The following RGS6 variants were observed in gnomAD, a reference collection of about 807,000 sequenced individuals.
The protein encoded by RGS6 is regulator of G-protein signaling 6.
In RGS6, 30 loss-of-function variants were observed where a neutral mutation model predicts 78.5. The observed-to-expected ratio is 0.38, with a 90% CI of 0.29 to 0.52. The LOEUF (loss-of-function observed/expected upper bound fraction) is 0.52. Among genes scored for constraint, RGS6 ranks in the 20% least tolerant of loss-of-function variants. The pLI is 0.85. For synonymous variants in RGS6, 206 were observed against 206.0 expected, an observed-to-expected ratio of 1.00 and a Z score of 0.00; for missense variants, 495 against 609.7, an observed-to-expected ratio of 0.81 and a Z score of 1.98.
Position 72,076,197 on chromosome 14 carries a change from G to A in RGS6, c.84+111322G>A, listed in dbSNP as rs74733989. On this transcript the variant is annotated intron_variant, in intron 2 of 17. Transcript: ENST00000553525. ...GCGTGCGCCCTCCACAGGCACCTTA[G>A]CCTGTTCTTCACTCCGCCATGATTG... Among the ~76,000 whole-genome samples, 173 of 152,276 alleles carry A rather than the reference G, an allele frequency of 1.1e-3. 2 individuals carry two copies. The East Asian group carries it at 0.029, about 26-fold the overall frequency.
intron 2 of RGS6, among the ~76,000 whole-genome samples, chr14:71,970,415 T>G (rs544969141): frequency 6.6e-6 from 1 of 152,218 alleles, no homozygotes; most frequent in South Asian, 2.1e-4. Flanking sequence ...TTTAGGGCCC[T>G]TGAAGTCCTG....
intron 2 of RGS6, among the ~76,000 whole-genome samples, chr14:72,103,608 A>G (rs1306499650): frequency 6.6e-6 from 1 of 152,216 alleles, no homozygotes; most frequent in Non-Finnish European, 1.5e-5. Context: ...CCTAAGTAAG[A>G]AAAATCACAG....
At chr14:72,073,478 C>T (rs956474761) in intron 2 of RGS6, among the ~76,000 whole-genome samples, 2 of 152,216 alleles carry the variant, frequency 1.3e-5, no homozygotes, top group Admixed American at 1.3e-4. Context: ...AATTATTCGA[C>T]TCCAGAATAG....
chr14:72,503,948 G>A (rs1008422149), intron 13 of RGS6, among the ~76,000 whole-genome samples: 2 of 152,200 alleles, frequency 1.3e-5, no homozygotes, highest in Admixed American at 6.5e-5. Context: ...GCTCTGCTGG[G>A]TGCAGCCCAT....
intron 17 of RGS6, among the ~76,000 whole-genome samples, chr14:72,555,485 T>TAA (rs1313375010): frequency 1.3e-5 from 2 of 152,158 alleles, no homozygotes; most frequent in Admixed American, 6.5e-5. Flanking sequence ...CTCAAGAACT[T>TAA]AAGTTCTTTT....
chr14:72,180,213 C>T (rs532981078), intron 2 of RGS6, among the ~76,000 whole-genome samples: 1 of 152,352 alleles, frequency 6.6e-6, no homozygotes, highest in African/African-American at 2.4e-5. Context: ...TCTCTTCTTA[C>T]ATCTGAGCTG....
intron 3 of RGS6, among the ~76,000 whole-genome samples, chr14:72,418,111 G>A (rs896204125): frequency 6.6e-6 from 1 of 151,966 alleles, no homozygotes; most frequent in Non-Finnish European, 1.5e-5. Flanking sequence ...TAGGTAGTAT[G>A]GGAAAAGACC....
In RGS6 at chr14:72,395,429, AAAT is replaced by A. The variant is rs1387155566; in HGVS notation, c.184+43237_184+43239del. On this transcript the variant is annotated intron_variant, in intron 3 of 17. Coordinates refer to ENST00000553525, the MANE Select transcript of RGS6 (RefSeq NM_001204424.2). ...ACTCTAATGCCATTTTTAATTTAAA[AAAT>A]ACATATTCAGATCCACTGTACTTAT... Among the ~76,000 whole-genome samples the A allele has an allele frequency of 2.6e-5, 4 of 152,328 alleles. No individual in the cohort carries two copies. In the East Asian group the frequency reaches 7.7e-4, roughly 29 times the overall value.
the RGS6 span, among the ~76,000 whole-genome samples, chr14:72,627,069 A>T: frequency 6.6e-6 from 1 of 151,970 alleles, no homozygotes; most frequent in Admixed American, 6.6e-5. Context: ...TTAGCCCTTA[A>T]ACTGTGGTAC....
chr14:72,008,136 G>A (rs1460317824), intron 2 of RGS6, among the ~76,000 whole-genome samples: 1 of 152,164 alleles, frequency 6.6e-6, no homozygotes, highest in East Asian at 1.9e-4. Flanking sequence ...CTGGATTTCA[G>A]AACTACTATC....
chr14:71,983,632 C>T (rs750807607), intron 2 of RGS6, among the ~76,000 whole-genome samples: 2 of 152,198 alleles, frequency 1.3e-5, no homozygotes, highest in Non-Finnish European at 1.5e-5. Flanking sequence ...CCCTGGTCTT[C>T]GCCTTTGTCC....
At chr14:72,321,398 T>TA (rs908237516) in intron 2 of RGS6, among the ~76,000 whole-genome samples, 152 of 150,860 alleles carry the variant, frequency 1.0e-3, no homozygotes, top group African/African-American at 3.5e-3. Flanking sequence ...ACTCCCATAT[T>TA]AAAAAAAAAG....
chr14:72,099,263 C>T (rs897593093), intron 2 of RGS6, among the ~76,000 whole-genome samples: 9 of 152,040 alleles, frequency 5.9e-5, no homozygotes, highest in Non-Finnish European at 7.4e-5. Flanking sequence ...GGGTTCATGC[C>T]ATTCTCCTGC....
intron 2 of RGS6, among the ~76,000 whole-genome samples, chr14:72,085,624 C>A (rs565471335): frequency 2.3e-4 from 35 of 152,168 alleles, no homozygotes; most frequent in African/African-American, 7.7e-4. Flanking sequence ...GAGGCCAAGG[C>A]GGTTGGATCA....
At chr14:72,491,298 C>T (rs1224511260) in intron 12 of RGS6, among the ~76,000 whole-genome samples, 2 of 149,228 alleles carry the variant, frequency 1.3e-5, no homozygotes, top group African/African-American at 5.0e-5. Flanking sequence ...AAAAAAAAAT[C>T]TGTGTGAACA....
At chr14:72,624,050 T>C in the RGS6 span, among the ~76,000 whole-genome samples, 1 of 152,200 alleles carries the variant, frequency 6.6e-6, no homozygotes, top group Admixed American at 6.5e-5. Flanking sequence ...AAATAAAATA[T>C]GTTTAAAATC....
At chr14:72,435,489 A>G (rs920295168) in intron 3 of RGS6, among the ~76,000 whole-genome samples, 1 of 152,198 alleles carries the variant, frequency 6.6e-6, no homozygotes. Context: ...TGAGTTTTCT[A>G]TGCTGCTGCA....
intron 2 of RGS6, among the ~76,000 whole-genome samples, chr14:72,288,273 A>G (rs1199829704): frequency 6.6e-6 from 1 of 152,210 alleles, no homozygotes; most frequent in Non-Finnish European, 1.5e-5. Context: ...AGGTACTAGA[A>G]AACTCAGTTC....
At chr14:72,629,482 G>T in the RGS6 span, 2 of 675,248 alleles carry the variant, frequency 3.0e-6, no homozygotes, top group Non-Finnish European at 2.5e-6. Flanking sequence ...GAGCCCTCAA[G>T]GGCTAATGGC....
Sources: gnomAD v4.1 joint callset for allele counts (sites outside exome capture counted in the v4.1 genomes callset) on GRCh38, gnomAD v4.1.1 for gene constraint, MANE v1.5 for transcripts, NCBI Gene and HGNC (gene_info 2026-07-23, HGNC 2026-07-21) for gene names.